CADM2: variants seen among roughly 807,000 people sequenced by gnomAD.
CADM2 encodes immunoglobulin superfamily member 4D.
CADM2 carries 12 observed loss-of-function variants against 49.8 expected under a neutral mutation model. That is an observed-to-expected ratio of 0.24 (90% CI 0.15 to 0.39). The LOEUF (loss-of-function observed/expected upper bound fraction) is 0.39. CADM2 is among the 10% of genes least tolerant of loss of function. The pLI is 1.00. For synonymous variants in CADM2, 214 were observed against 175.4 expected, an observed-to-expected ratio of 1.22 and a Z score of -1.74; for missense variants, 378 against 492.3, an observed-to-expected ratio of 0.77 and a Z score of 2.20.
intron 3 of CADM2, among the ~76,000 whole-genome samples, chr3:85,830,860 C>A (rs977360135): frequency 7.3e-5 from 10 of 137,742 alleles, no homozygotes; most frequent in African/African-American, 2.5e-4. Flanking sequence ...TATTACAGGC[C>A]CAGGGGGTAC....
At chr3:85,399,469 T>C (rs2034977575) in intron 1 of CADM2, among the ~76,000 whole-genome samples, 1 of 152,220 alleles carries the variant, frequency 6.6e-6, no homozygotes, top group African/African-American at 2.4e-5. Context: ...GGCTCTTTTT[T>C]GGTTCCATAT....
At chr3:84,998,251 T>G (rs959464059) in intron 1 of CADM2, among the ~76,000 whole-genome samples, 3 of 152,124 alleles carry the variant, frequency 2.0e-5, no homozygotes, top group African/African-American at 7.2e-5. Flanking sequence ...AGAGGTTATC[T>G]TTAGATTAGA....
chr3:85,894,205 G>T (rs1302376865), intron 5 of CADM2, among the ~76,000 whole-genome samples: 1 of 152,132 alleles, frequency 6.6e-6, no homozygotes, highest in African/African-American at 2.4e-5. Flanking sequence ...TAGGGACATG[G>T]ATGAAGCTGG....
At chr3:86,035,569 C>G (rs1030506504) in intron 8 of CADM2, among the ~76,000 whole-genome samples, 2 of 152,032 alleles carry the variant, frequency 1.3e-5, no homozygotes, top group African/African-American at 4.8e-5. Context: ...AATATTTTTT[C>G]TAACATTAGG....
intron 1 of CADM2, among the ~76,000 whole-genome samples, chr3:85,158,391 C>T (rs912684935): frequency 1.3e-5 from 2 of 152,160 alleles, no homozygotes; most frequent in Non-Finnish European, 1.5e-5. Flanking sequence ...CACATCCACA[C>T]GTATGTTTAC....
chr3:86,046,726 G>A (rs1336663485), intron 8 of CADM2, among the ~76,000 whole-genome samples: 1 of 152,006 alleles, frequency 6.6e-6, no homozygotes, highest in African/African-American at 2.4e-5. Context: ...CTTCCTTTTA[G>A]GCAAATGTCA....
chr3:85,267,043 G>C (rs2043136721), intron 1 of CADM2, among the ~76,000 whole-genome samples: 1 of 151,782 alleles, frequency 6.6e-6, no homozygotes, highest in African/African-American at 2.4e-5. Flanking sequence ...TTTAGAGAAA[G>C]GTATAATGAG....
At chr3:85,855,698 C>T (rs2075291368) in intron 3 of CADM2, among the ~76,000 whole-genome samples, 1 of 150,306 alleles carries the variant, frequency 6.7e-6, no homozygotes, top group Admixed American at 6.7e-5. Flanking sequence ...ATTATCTCAG[C>T]TCACTGCAAG....
At chr3:85,744,557 A>G (rs1470037217) in intron 2 of CADM2, among the ~76,000 whole-genome samples, 1 of 152,138 alleles carries the variant, frequency 6.6e-6, no homozygotes, top group Non-Finnish European at 1.5e-5. Context: ...AAATAAGTAA[A>G]TGAAATACTC....
chr3:85,622,872 T>C (rs1033665073), intron 1 of CADM2, among the ~76,000 whole-genome samples: 2 of 152,240 alleles, frequency 1.3e-5, no homozygotes, highest in East Asian at 3.9e-4. Flanking sequence ...AAATTTTTTT[T>C]GTTTTGTTTT....
At chr3:86,060,646 G>A (rs150783499) in intron 8 of CADM2, among the ~76,000 whole-genome samples, 26 of 152,116 alleles carry the variant, frequency 1.7e-4, no homozygotes, top group African/African-American at 6.0e-4. Context: ...GGCTTTATTA[G>A]CAGCATGATA....
intron 8 of CADM2, chr3:86,012,491 C>G (rs910721820): frequency 5.9e-6 from 6 of 1,020,334 alleles, no homozygotes; most frequent in Admixed American, 3.8e-5. Flanking sequence ...CTCCGTGACC[C>G]GGACCAGCGG....
chr3:85,024,731 TA>T (rs1483972500), intron 1 of CADM2, among the ~76,000 whole-genome samples: 1 of 151,884 alleles, frequency 6.6e-6, no homozygotes, highest in Admixed American at 6.6e-5. Context: ...ATTTATCCAT[TA>T]AAAAACTAAA....
At chr3:85,823,626 A>G (rs2073733161) in intron 3 of CADM2, among the ~76,000 whole-genome samples, 1 of 152,150 alleles carries the variant, frequency 6.6e-6, no homozygotes, top group South Asian at 2.1e-4. Flanking sequence ...ATTATCCATA[A>G]TCTTCACAAA....
intron 1 of CADM2, among the ~76,000 whole-genome samples, chr3:84,999,414 C>T (rs2033341696): frequency 6.6e-6 from 1 of 152,074 alleles, no homozygotes; most frequent in African/African-American, 2.4e-5. Context: ...TAACTCTTGC[C>T]TGAACACAGT....
At chr3:85,846,046 A>G (rs1015677670) in intron 3 of CADM2, among the ~76,000 whole-genome samples, 6 of 152,128 alleles carry the variant, frequency 3.9e-5, no homozygotes, top group African/African-American at 1.4e-4. Flanking sequence ...GAAAGAAAGC[A>G]CAGGCCAATC....
intron 1 of CADM2, among the ~76,000 whole-genome samples, chr3:85,030,172 G>T (rs1300649469): frequency 6.6e-6 from 1 of 152,094 alleles, no homozygotes; most frequent in African/African-American, 2.4e-5. Context: ...TGATATCACT[G>T]CTCCTCTAGT....
chr3:85,085,570 G>A (rs2037335847), intron 1 of CADM2, among the ~76,000 whole-genome samples: 1 of 151,996 alleles, frequency 6.6e-6, no homozygotes, highest in African/African-American at 2.4e-5. Context: ...ACCTTTGGAG[G>A]AATAATTACT....
intron 1 of CADM2, among the ~76,000 whole-genome samples, chr3:85,048,818 A>C (rs2035765520): frequency 6.6e-6 from 1 of 152,182 alleles, no homozygotes; most frequent in African/African-American, 2.4e-5. Flanking sequence ...ACCAGCCACA[A>C]ATGGGTCCAA....
Sources: gnomAD v4.1 joint callset for allele counts (sites outside exome capture counted in the v4.1 genomes callset) on GRCh38, gnomAD v4.1.1 for gene constraint, MANE v1.5 for transcripts, NCBI Gene and HGNC (gene_info 2026-07-23, HGNC 2026-07-21) for gene names.